The following SUGCT variants were observed in gnomAD, a reference collection of about 807,000 sequenced individuals.
The protein encoded by SUGCT is succinyl-CoA:glutarate CoA-transferase.
Under a neutral mutation model 55.0 loss-of-function variants are expected in SUGCT, and 41 were observed. The ratio of observed to expected loss-of-function variants is 0.74; its 90% CI spans 0.58 to 0.97. SUGCT has a LOEUF of 0.97. Ranked by LOEUF, SUGCT falls within the 50% of genes least tolerant of loss-of-function variation. The pLI, the probability that SUGCT is intolerant of heterozygous loss-of-function variation, is 0.00. For synonymous variants in SUGCT, 187 were observed against 200.4 expected, an observed-to-expected ratio of 0.93 and a Z score of 0.56; for missense variants, 568 against 547.8, an observed-to-expected ratio of 1.04 and a Z score of -0.37.
At chr7:40,460,049 T>C (rs901928717) in intron 11 of SUGCT, among the ~76,000 whole-genome samples, 5 of 152,198 alleles carry the variant, frequency 3.3e-5, no homozygotes, top group African/African-American at 1.2e-4. Flanking sequence ...AATACCATAT[T>C]TAGCCTTTTG....
chr7:40,730,662 T>A (rs1388501837), intron 12 of SUGCT, among the ~76,000 whole-genome samples: 1 of 152,178 alleles, frequency 6.6e-6, no homozygotes, highest in Non-Finnish European at 1.5e-5. Context: ...CTAACTGAAA[T>A]TTTGTGTCCT....
intron 9 of SUGCT, among the ~76,000 whole-genome samples, chr7:40,357,769 C>CT (rs565127371): frequency 6.8e-6 from 1 of 147,734 alleles, no homozygotes; most frequent in Non-Finnish European, 1.5e-5. Flanking sequence ...AATCTTTTTT[C>CT]TTTTTTTTAA....
the SUGCT span, among the ~76,000 whole-genome samples, chr7:40,977,246 G>A: frequency 1.3e-5 from 2 of 152,320 alleles, no homozygotes; most frequent in Non-Finnish European, 2.9e-5. Context: ...AGGTTGCAAT[G>A]TCAATAATAA....
At chr7:40,807,518 CA>C (rs1439443404) in intron 13 of SUGCT, among the ~76,000 whole-genome samples, 3 of 152,020 alleles carry the variant, frequency 2.0e-5, no homozygotes, top group Admixed American at 6.6e-5. Context: ...ATAAAGCAGT[CA>C]AAAAGCTGAG....
chr7:40,562,993 TC>T (rs1795923571), intron 12 of SUGCT, among the ~76,000 whole-genome samples: 1 of 152,180 alleles, frequency 6.6e-6, no homozygotes, highest in South Asian at 2.1e-4. Flanking sequence ...GCTTAAGACT[TC>T]TACTTTCTGT....
intron 12 of SUGCT, among the ~76,000 whole-genome samples, chr7:40,696,744 T>C (rs1052966484): frequency 1.3e-5 from 2 of 152,152 alleles, no homozygotes; most frequent in African/African-American, 4.8e-5. Context: ...CATAAATACA[T>C]GAATATTTAT....
the SUGCT span, among the ~76,000 whole-genome samples, chr7:41,020,984 G>T: frequency 3.3e-5 from 5 of 152,332 alleles, no homozygotes; most frequent in Admixed American, 6.5e-5. Context: ...ATGGACAGGA[G>T]ATGTGGCCTG....
intron 12 of SUGCT, among the ~76,000 whole-genome samples, chr7:40,649,501 C>T (rs1800673568): frequency 6.6e-6 from 1 of 152,014 alleles, no homozygotes; most frequent in African/African-American, 2.4e-5. Flanking sequence ...TGCTATCAGG[C>T]CTTCTAAATA....
At chr7:40,903,705 C>T in the SUGCT span, among the ~76,000 whole-genome samples, 1 of 152,204 alleles carries the variant, frequency 6.6e-6, no homozygotes, top group African/African-American at 2.4e-5. Context: ...GGGTGGCACC[C>T]TGGGCTTTCA....
At chr7:40,284,608 C>CAAAA (rs35152488) in intron 8 of SUGCT, among the ~76,000 whole-genome samples, 1 of 108,190 alleles carries the variant, frequency 9.2e-6, no homozygotes, top group African/African-American at 3.3e-5. Context: ...ATTCCATTTC[C>CAAAA]AAAAAAAAAA....
intron 7 of SUGCT, among the ~76,000 whole-genome samples, chr7:40,252,994 T>C (rs1201013656): frequency 6.6e-6 from 1 of 152,242 alleles, no homozygotes; most frequent in African/African-American, 2.4e-5. Context: ...AATATAACTT[T>C]GGAAATAATG....
rs925069050 is a variant in SUGCT, at chr7:40,395,507, A to G, written c.817-53780A>G. Among the ~76,000 whole-genome samples the G allele has an allele frequency of 7.3e-5, 11 of 151,394 alleles. No homozygotes were observed. The East Asian group carries it at 1.2e-3, about 16-fold the overall frequency. Reference sequence around the variant, plus strand: ...TCTGTCTCAAAAAAAAAAAAAAAAAAAAAAAAAGAAAAAAAAATTCAATTT... The same window carrying G: ...TCTGTCTCAAAAAAAAAAAAAAAAAGAAAAAAAGAAAAAAAAATTCAATTT... On this transcript the variant is annotated intron_variant, in intron 9 of 13. Coordinates refer to ENST00000335693, the MANE Select transcript of SUGCT (RefSeq NM_001193313.2).
chr7:40,356,735 A>C (rs1217693469), intron 9 of SUGCT, among the ~76,000 whole-genome samples: 1 of 152,178 alleles, frequency 6.6e-6, no homozygotes, highest in Non-Finnish European at 1.5e-5. Context: ...GTGTTTTCTT[A>C]GTTTCTTTGA....
chr7:40,677,797 G>A (rs531791966), intron 12 of SUGCT, among the ~76,000 whole-genome samples: 1 of 152,350 alleles, frequency 6.6e-6, no homozygotes, highest in Non-Finnish European at 1.5e-5. Context: ...ACCCCCAAAT[G>A]TAGTGGCTTT....
At chr7:40,712,963 C>T (rs1430735267) in intron 12 of SUGCT, among the ~76,000 whole-genome samples, 1 of 152,254 alleles carries the variant, frequency 6.6e-6, no homozygotes, top group Non-Finnish European at 1.5e-5. Context: ...GTATTTCTTA[C>T]ATTCACATGG....
the SUGCT span, among the ~76,000 whole-genome samples, chr7:40,972,777 A>T: frequency 6.6e-6 from 1 of 152,304 alleles, no homozygotes; most frequent in East Asian, 1.9e-4. Context: ...AACAATAAGC[A>T]TCCTTGCCTA....
At chr7:40,797,319 TG>T (rs1283493560) in intron 13 of SUGCT, among the ~76,000 whole-genome samples, 1 of 152,176 alleles carries the variant, frequency 6.6e-6, no homozygotes, top group East Asian at 1.9e-4. Flanking sequence ...CTTATAAAAC[TG>T]TTTTTTTTAA....
intron 9 of SUGCT, among the ~76,000 whole-genome samples, chr7:40,352,047 TG>T (rs1448905252): frequency 6.6e-6 from 1 of 152,224 alleles, no homozygotes; most frequent in African/African-American, 2.4e-5. Flanking sequence ...TTTGCATCAG[TG>T]GTTTTCAAAA....
the SUGCT span, among the ~76,000 whole-genome samples, chr7:40,962,431 G>A: frequency 6.6e-6 from 1 of 152,136 alleles, no homozygotes; most frequent in Non-Finnish European, 1.5e-5. Flanking sequence ...AGAAGGTAGT[G>A]TGCTTGCTGT....
Sources: gnomAD v4.1 joint callset for allele counts (sites outside exome capture counted in the v4.1 genomes callset) on GRCh38, gnomAD v4.1.1 for gene constraint, MANE v1.5 for transcripts, NCBI Gene and HGNC (gene_info 2026-07-23, HGNC 2026-07-21) for gene names.